SLC24A2: variants seen among roughly 807,000 people sequenced by gnomAD.
SLC24A2 encodes solute carrier family 24 member 2, also known as sodium/potassium/calcium exchanger 2.
SLC24A2 carries 36 observed loss-of-function variants against 62.0 expected under a neutral mutation model. The observed-to-expected ratio is 0.58, with a 90% CI of 0.44 to 0.77. SLC24A2 has a LOEUF of 0.77. SLC24A2 is among the 30% of genes least tolerant of loss of function. The pLI, the probability that SLC24A2 is intolerant of heterozygous loss-of-function variation, is 0.00. For missense variants in SLC24A2, 846 were observed against 817.9 expected (o/e 1.03, Z -0.42); for synonymous variants, 358 against 294.0 (o/e 1.22, Z -2.23).
At chr9:19,600,003 G>A (rs778817385) in intron 4 of SLC24A2, among the ~76,000 whole-genome samples, 19 of 152,196 alleles carry the variant, frequency 1.2e-4, no homozygotes, top group Non-Finnish European at 2.2e-4. Flanking sequence ...AAGTAAGGGA[G>A]TTCAAGAGTC....
chr9:20,192,011 C>T, the SLC24A2 span, among the ~76,000 whole-genome samples: 1 of 152,098 alleles, frequency 6.6e-6, no homozygotes, highest in East Asian at 1.9e-4. Context: ...CAAACCAAAG[C>T]AAATAAGGGA....
chr9:19,762,428 T>G (rs1192474245), intron 2 of SLC24A2, among the ~76,000 whole-genome samples: 1 of 152,234 alleles, frequency 6.6e-6, no homozygotes. Flanking sequence ...CTTCTAGGGT[T>G]TTTATGGTTT....
At chr9:20,015,048 G>T in the SLC24A2 span, among the ~76,000 whole-genome samples, 1 of 152,068 alleles carries the variant, frequency 6.6e-6, no homozygotes, top group African/African-American at 2.4e-5. Flanking sequence ...GTTTTAAAAA[G>T]AAATAAACAA....
the SLC24A2 span, among the ~76,000 whole-genome samples, chr9:19,853,339 AC>A: frequency 2.0e-5 from 3 of 152,154 alleles, no homozygotes; most frequent in African/African-American, 7.2e-5. Context: ...AACTTCCAAT[AC>A]TATGTTGAAT....
the SLC24A2 span, among the ~76,000 whole-genome samples, chr9:20,014,452 G>A: frequency 2.3e-4 from 35 of 150,422 alleles, no homozygotes; most frequent in South Asian, 6.3e-4. Flanking sequence ...CATTATTTAC[G>A]ACAGTCAAGA....
the SLC24A2 span, among the ~76,000 whole-genome samples, chr9:19,982,307 C>A: frequency 2.0e-5 from 3 of 151,994 alleles, no homozygotes; most frequent in Admixed American, 2.0e-4. Context: ...TGTTTGTTGG[C>A]GGAGGAGAAA....
the SLC24A2 span, among the ~76,000 whole-genome samples, chr9:20,106,429 C>T: frequency 2.0e-5 from 3 of 152,148 alleles, no homozygotes; most frequent in Non-Finnish European, 2.9e-5. Flanking sequence ...CCTTGATGAA[C>T]GTTGATGCAA....
chr9:19,636,288 T>TC (rs1818315648), intron 2 of SLC24A2, among the ~76,000 whole-genome samples: 1 of 38,420 alleles, frequency 2.6e-5, no homozygotes, highest in Non-Finnish European at 5.4e-5. Context: ...CTTCTTCTCT[T>TC]CTTTTCTTTT....
At chr9:19,648,982 G>C (rs1818721515) in intron 2 of SLC24A2, among the ~76,000 whole-genome samples, 1 of 112,346 alleles carries the variant, frequency 8.9e-6, no homozygotes, top group African/African-American at 3.3e-5. Flanking sequence ...AGTGAATTTT[G>C]TCATGTTTGA....
chr9:20,294,279 A>C, the SLC24A2 span, among the ~76,000 whole-genome samples: 1 of 152,044 alleles, frequency 6.6e-6, no homozygotes, highest in African/African-American at 2.4e-5. Flanking sequence ...AGTCAGGCAC[A>C]ACCCAACCCT....
At chr9:19,532,278 T>G (rs558569373) in intron 8 of SLC24A2, among the ~76,000 whole-genome samples, 2 of 152,184 alleles carry the variant, frequency 1.3e-5, no homozygotes, top group Admixed American at 1.3e-4. Context: ...GTATTTTTAG[T>G]AGAGACAGGG....
the SLC24A2 span, among the ~76,000 whole-genome samples, chr9:20,014,129 T>A: frequency 6.6e-6 from 1 of 152,172 alleles, no homozygotes; most frequent in Middle Eastern, 3.4e-3. Flanking sequence ...GATCTCTAGA[T>A]TCTGGGAGGT....
chr9:20,247,313 A>G, the SLC24A2 span, among the ~76,000 whole-genome samples: 26 of 151,990 alleles, frequency 1.7e-4, no homozygotes, highest in African/African-American at 6.3e-4. Flanking sequence ...CCTCACCAAG[A>G]ACTCCAAGCA....
the SLC24A2 span, among the ~76,000 whole-genome samples, chr9:20,243,648 A>T: frequency 6.6e-6 from 1 of 152,168 alleles, no homozygotes; most frequent in African/African-American, 2.4e-5. Flanking sequence ...TGAACAAAGC[A>T]TTCTAGAGTT....
At chr9:20,104,817 T>C in the SLC24A2 span, among the ~76,000 whole-genome samples, 1 of 152,156 alleles carries the variant, frequency 6.6e-6, no homozygotes, top group African/African-American at 2.4e-5. Context: ...CCAGCTAACA[T>C]CATAATGACA....
chr9:19,636,315 T>TTTTCTTTTCTTTTCTTTTCTTCC, intron 2 of SLC24A2, among the ~76,000 whole-genome samples: 1 of 40,328 alleles, frequency 2.5e-5, no homozygotes, highest in Non-Finnish European at 4.7e-5. Flanking sequence ...TTTTCTTTTC[T>TTTTCTTTTCTTTTCTTTTCTTCC]TTTCTTTCTT....
chr9:20,006,100 A>T, the SLC24A2 span, among the ~76,000 whole-genome samples: 1 of 151,770 alleles, frequency 6.6e-6, no homozygotes, highest in Non-Finnish European at 1.5e-5. Context: ...TACATAGTAG[A>T]ATACAATATA....
the SLC24A2 span, among the ~76,000 whole-genome samples, chr9:19,839,444 T>C: frequency 6.6e-6 from 1 of 152,368 alleles, no homozygotes; most frequent in Non-Finnish European, 1.5e-5. Flanking sequence ...CAGGGAATGC[T>C]GTTAGGTACT....
At chr9:19,840,382 G>A in the SLC24A2 span, among the ~76,000 whole-genome samples, 9 of 150,120 alleles carry the variant, frequency 6.0e-5, no homozygotes, top group Non-Finnish European at 7.4e-5. Context: ...CACTAAAAAT[G>A]GAAAGAGGAA....
Sources: gnomAD v4.1 joint callset for allele counts (sites outside exome capture counted in the v4.1 genomes callset) on GRCh38, gnomAD v4.1.1 for gene constraint, MANE v1.5 for transcripts, NCBI Gene and HGNC (gene_info 2026-07-23, HGNC 2026-07-21) for gene names.